LRBA: variants seen among roughly 807,000 people sequenced by gnomAD.
LRBA encodes LPS responsive beige-like anchor protein, also known as lipopolysaccharide-responsive and beige-like anchor protein.
Under a neutral mutation model 330.0 loss-of-function variants are expected in LRBA, and 176 were observed. The observed-to-expected ratio is 0.53, with a 90% CI of 0.47 to 0.60. The LOEUF (loss-of-function observed/expected upper bound fraction) is 0.60, where lower values mean the gene tolerates loss of function less well. Among genes scored for constraint, LRBA ranks in the 20% least tolerant of loss-of-function variants. The probability of loss-of-function intolerance (pLI) is 0.00; values close to 1 mark genes in which losing one functional copy is unlikely to be tolerated. For missense variants in LRBA, 3,259 were observed against 3,444.8 expected (o/e 0.95, Z 1.35); for synonymous variants, 1,230 against 1,193.0 (o/e 1.03, Z -0.64).
intron 53 of LRBA, among the ~76,000 whole-genome samples, chr4:150,287,811 C>T (rs892097802): frequency 5.9e-5 from 9 of 152,178 alleles, no homozygotes; most frequent in Non-Finnish European, 1.2e-4. Context: ...CAAGTTTTAA[C>T]ACTTCTTTGG....
At chr4:150,714,511 A>T (rs1786549673) in intron 36 of LRBA, among the ~76,000 whole-genome samples, 1 of 152,142 alleles carries the variant, frequency 6.6e-6, no homozygotes, top group African/African-American at 2.4e-5. Context: ...AAAAGATTCC[A>T]ATCTAACTAA....
At chr4:150,648,728 G>C (rs1348982749) in intron 37 of LRBA, among the ~76,000 whole-genome samples, 1 of 152,102 alleles carries the variant, frequency 6.6e-6, no homozygotes, top group East Asian at 1.9e-4. Flanking sequence ...AGTTACAGGG[G>C]ACAGTAAGTT....
chr4:150,373,131 G>A (rs1246184928), intron 47 of LRBA, among the ~76,000 whole-genome samples: 9 of 29,026 alleles, frequency 3.1e-4, no homozygotes, highest in African/African-American at 7.1e-4. Context: ...TCTCGTGTGT[G>A]TGTGTGTGTG....
intron 53 of LRBA, among the ~76,000 whole-genome samples, chr4:150,288,342 T>C (rs1748423584): frequency 6.6e-6 from 1 of 150,742 alleles, no homozygotes; most frequent in African/African-American, 2.4e-5. Flanking sequence ...GCGCAATGGC[T>C]CACGCCTGTA....
At chr4:150,575,709 T>G (rs1373555233) in intron 40 of LRBA, among the ~76,000 whole-genome samples, 4 of 151,958 alleles carry the variant, frequency 2.6e-5, no homozygotes. Context: ...GTTTTGTTAA[T>G]GTCTGGCACT....
intron 14 of LRBA, 72 bp downstream of exon 14, chr4:150,899,977 G>T: frequency 8.1e-7 from 1 of 1,236,412 alleles, no homozygotes; most frequent in Non-Finnish European, 1.1e-6. Flanking sequence ...GATAGTACTG[G>T]TTAAAACAAA....
At chr4:150,936,929 G>A (rs142160722) in intron 2 of LRBA, among the ~76,000 whole-genome samples, 4 of 151,920 alleles carry the variant, frequency 2.6e-5, no homozygotes, top group South Asian at 4.2e-4. Context: ...CAAAAACCTC[G>A]TTACAACTAA....
At chr4:150,640,092 G>A (rs1350733092) in intron 37 of LRBA, among the ~76,000 whole-genome samples, 1 of 151,192 alleles carries the variant, frequency 6.6e-6, no homozygotes, top group Non-Finnish European at 1.5e-5. Flanking sequence ...TCCTGACCTA[G>A]GCAATCGACC....
intron 40 of LRBA, among the ~76,000 whole-genome samples, chr4:150,555,752 T>TAA (rs1166958224): frequency 9.7e-6 from 1 of 103,532 alleles, no homozygotes; most frequent in Non-Finnish European, 2.1e-5. Flanking sequence ...CTCTGTCTTA[T>TAA]AAAAACACAC....
chr4:150,483,130 C>T (rs553742731), intron 42 of LRBA, among the ~76,000 whole-genome samples: 1 of 152,154 alleles, frequency 6.6e-6, no homozygotes, highest in East Asian at 1.9e-4. Flanking sequence ...CGTTTGTCTA[C>T]ACTACGTTTT....
At position 150,583,562 on chromosome 4, in the gene LRBA, G is replaced by A. The variant is rs775848382; in HGVS notation, c.6330+4486C>T. 1 of 1,613,828 alleles carries A rather than the reference G, an allele frequency of 6.2e-7. No individual in the cohort carries two copies. The highest frequency in any genetic ancestry group is 8.5e-7 in the Non-Finnish European group (1 of 1,179,900). On this transcript the variant is annotated intron_variant, in intron 40 of 56. Transcript: ENST00000651943. This position sits in a 1 kb window ranked among gnomAD's most constrained non-coding sequence, Gnocchi z 9.8. ...ATCACTCCGGCGTTCAAGTGCACCG[G>A]GATCTGGCCTCGCAGCGCGGCACAG...
At chr4:150,375,892 G>A (rs929276422) in intron 47 of LRBA, among the ~76,000 whole-genome samples, 2 of 151,950 alleles carry the variant, frequency 1.3e-5, no homozygotes, top group Admixed American at 6.6e-5. Context: ...ATGTGGTATT[G>A]CAGGGTGAAG....
chr4:150,599,492 G>A (rs547835727), intron 37 of LRBA, among the ~76,000 whole-genome samples: 123 of 152,228 alleles, frequency 8.1e-4, no homozygotes, highest in Non-Finnish European at 1.1e-3. Context: ...CTCTGTAGCT[G>A]CATTTATAAA....
intron 48 of LRBA, among the ~76,000 whole-genome samples, chr4:150,336,536 A>G (rs943140248): frequency 2.0e-5 from 3 of 152,226 alleles, no homozygotes; most frequent in South Asian, 2.1e-4. Flanking sequence ...AAAGTAAAAC[A>G]TATTTTAAAA....
upstream of LRBA, chr4:151,015,703 G>A (rs1041901661): frequency 1.2e-4 from 18 of 152,062 alleles, no homozygotes; most frequent in African/African-American, 4.1e-4. Flanking sequence ...AGCTGCTCCC[G>A]GCCGCCATGA....
At chr4:150,922,510 C>A (rs188500413) in intron 4 of LRBA, among the ~76,000 whole-genome samples, 1 of 151,688 alleles carries the variant, frequency 6.6e-6, no homozygotes, top group Non-Finnish European at 1.5e-5. Context: ...AGTGAAGTAA[C>A]TCAGGAATGG....
chr4:150,684,730 T>C (rs1472653876), intron 36 of LRBA, among the ~76,000 whole-genome samples: 1 of 152,200 alleles, frequency 6.6e-6, no homozygotes, highest in Non-Finnish European at 1.5e-5. Flanking sequence ...CAGTGTCTAC[T>C]GGAGTCCTCT....
intron 40 of LRBA, among the ~76,000 whole-genome samples, chr4:150,494,891 T>C (rs1035884754): frequency 6.6e-6 from 1 of 151,726 alleles, no homozygotes; most frequent in South Asian, 2.1e-4. Flanking sequence ...TCCCAGCTAC[T>C]TGGGAGTCTG....
intron 37 of LRBA, among the ~76,000 whole-genome samples, chr4:150,643,440 G>A (rs937581636): frequency 6.6e-6 from 1 of 151,924 alleles, no homozygotes; most frequent in African/African-American, 2.4e-5. Context: ...TAGGAAAGTA[G>A]GTGGAAGAAG....
Sources: allele counts gnomAD v4.1 joint callset (sites outside exome capture counted in the v4.1 genomes callset), GRCh38; gene constraint gnomAD v4.1.1; non-coding constraint Gnocchi (gnomAD v3.1); transcripts MANE v1.5; gene names NCBI Gene and HGNC (gene_info 2026-07-23, HGNC 2026-07-21).